Variants in LPP observed in about 807,000 individuals in gnomAD.
LPP encodes the protein LIM domain containing preferred translocation partner in lipoma.
In LPP, 38 loss-of-function variants were observed where a neutral mutation model predicts 60.4. The observed-to-expected ratio is 0.63, with a 90% CI of 0.49 to 0.83. The LOEUF is 0.83. Among genes scored for constraint, LPP ranks in the 40% least tolerant of loss-of-function variants. LPP has a pLI of 0.00. For synonymous variants in LPP, 328 were observed against 290.8 expected, an observed-to-expected ratio of 1.13 and a Z score of -1.30; for missense variants, 902 against 783.6, an observed-to-expected ratio of 1.15 and a Z score of -1.80.
At chr3:188,447,127 A>C (rs1202966042) in intron 4 of LPP, among the ~76,000 whole-genome samples, 1 of 152,178 alleles carries the variant, frequency 6.6e-6, no homozygotes, top group Non-Finnish European at 1.5e-5. Flanking sequence ...TCATCTATGC[A>C]ATCAATTCTG....
intron 7 of LPP, among the ~76,000 whole-genome samples, chr3:188,675,697 A>C (rs1857908232): frequency 6.6e-6 from 1 of 152,256 alleles, no homozygotes; most frequent in African/African-American, 2.4e-5. Context: ...ATGAATAAAA[A>C]GTTCTATTTC....
At chr3:188,832,710 A>G (rs974334439) in intron 9 of LPP, among the ~76,000 whole-genome samples, 8 of 152,132 alleles carry the variant, frequency 5.3e-5, no homozygotes, top group Non-Finnish European at 1.2e-4. Context: ...CTGCTTCACC[A>G]TCTTCAGTGG....
chr3:188,888,190 T>C lies in LPP; in HGVS notation c.*13711T>C. The C allele has an allele frequency of 4.6e-6, 1 of 218,696 alleles. No homozygotes were observed. The allele number at this position is 218,696 out of a possible 1,614,324, so 13.5% of individuals were successfully genotyped here. Reference sequence around the variant, plus strand: ...ACCTTTATCATTACTCTAACAGATTTAGGGCTTCTCTTTCTCTACAGCTAA... The same window carrying C: ...ACCTTTATCATTACTCTAACAGATTCAGGGCTTCTCTTTCTCTACAGCTAA... On this transcript the variant is annotated 3_prime_UTR_variant, in exon 12 of 12. Coordinates refer to ENST00000617246, the MANE Select transcript of LPP (RefSeq NM_001375462.1).
chr3:188,524,690 A>G lies in LPP; in HGVS notation c.332A>G (p.Glu111Gly). ...VQGNPGGKTL[E>G]ERRSSLDAEI... ...GGGAATCCCGGAGGCAAGACACTTG[A>G]GGAGAGGCGCTCCAGCCTGGACGCT... The change falls in exon 6 of 12, where the codon GAG (glutamate) becomes GGG (glycine). Residue 111 changes from glutamate to glycine, a missense_variant. By Grantham distance (98) the Glu-to-Gly change is moderately conservative. Coordinates refer to ENST00000617246, the MANE Select transcript of LPP (RefSeq NM_001375462.1). The G allele has an allele frequency of 6.2e-7, 1 of 1,614,012 alleles. No individual in the cohort carries two copies. The highest frequency in any genetic ancestry group is 8.5e-7 in the Non-Finnish European group (1 of 1,179,944).
At chr3:188,475,101 A>C (rs1042576744) in intron 4 of LPP, among the ~76,000 whole-genome samples, 1 of 152,214 alleles carries the variant, frequency 6.6e-6, no homozygotes, top group Non-Finnish European at 1.5e-5. Flanking sequence ...TATCTCATGT[A>C]ATACACTGAG....
intron 1 of LPP, among the ~76,000 whole-genome samples, chr3:188,159,659 A>C (rs1282021041): frequency 1.3e-5 from 2 of 152,176 alleles, no homozygotes; most frequent in Non-Finnish European, 2.9e-5. Flanking sequence ...GATAGCAATC[A>C]TGGGGGAGCG....
At chr3:188,602,166 T>TATATATTATATATATATA (rs1841417402) in intron 6 of LPP, among the ~76,000 whole-genome samples, 1 of 126,452 alleles carries the variant, frequency 7.9e-6, no homozygotes, top group Non-Finnish European at 1.8e-5. Flanking sequence ...ATATATATAA[T>TATATATTATATATATATA]ATATATATAT....
intron 9 of LPP, among the ~76,000 whole-genome samples, chr3:188,840,089 A>G (rs1455428364): frequency 6.6e-6 from 1 of 152,198 alleles, no homozygotes; most frequent in Non-Finnish European, 1.5e-5. Flanking sequence ...GTGTATCACT[A>G]GAAGGAGATA....
At chr3:188,296,605 A>G (rs553830482) in intron 2 of LPP, among the ~76,000 whole-genome samples, 1 of 152,288 alleles carries the variant, frequency 6.6e-6, no homozygotes, top group South Asian at 2.1e-4. Context: ...TCCTACCTAT[A>G]TTGAAACCAG....
At chr3:188,824,408 G>A (rs752155658) in intron 9 of LPP, among the ~76,000 whole-genome samples, 2 of 152,176 alleles carry the variant, frequency 1.3e-5, no homozygotes, top group Non-Finnish European at 2.9e-5. Flanking sequence ...AGTCATACGA[G>A]CCACATTTCA....
intron 3 of LPP, among the ~76,000 whole-genome samples, chr3:188,386,262 G>GCACACACA (rs1491209525): frequency 2.3e-3 from 159 of 69,534 alleles, no homozygotes; most frequent in Middle Eastern, 0.014. Context: ...CATAGCATGC[G>GCACACACA]CGCACACACA....
At position 188,609,824 on chromosome 3, in the gene LPP, G is replaced by A. The variant is rs761932747; in HGVS notation, c.1093G>A (p.Ala365Thr). Residue 365 changes from alanine to threonine, a missense_variant, in exon 7 of 12, where the codon GCG (alanine) becomes ACG (threonine). Ala to Thr is a moderately conservative substitution (Grantham distance 58). Coordinates refer to ENST00000617246, the MANE Select transcript of LPP (RefSeq NM_001375462.1). The surrounding 1 kb of genome is among the most constrained non-coding windows in gnomAD (Gnocchi z 6.9). ...CACAGATCCTGTTTCAGCCCCCTGT[G>A]CGCCACCATTGCAGCCAAAGGTAAG... ...YITDPVSAPC[A>T]PPLQPKGGHS... 12 of 1,611,862 alleles carry A rather than the reference G, an allele frequency of 7.4e-6. No homozygotes were observed. The highest frequency in any genetic ancestry group is 4.0e-5 in the African/African-American group (3 of 74,830).
intron 2 of LPP, among the ~76,000 whole-genome samples, chr3:188,294,298 A>G (rs1747107809): frequency 6.6e-6 from 1 of 152,256 alleles, no homozygotes; most frequent in South Asian, 2.1e-4. Flanking sequence ...GTGAAATACT[A>G]AAAACAGAAC....
At chr3:188,548,756 A>T (rs1478766056) in intron 6 of LPP, among the ~76,000 whole-genome samples, 1 of 152,200 alleles carries the variant, frequency 6.6e-6, no homozygotes, top group Non-Finnish European at 1.5e-5. Flanking sequence ...TATAAAAAGT[A>T]GGAAGAGAGG....
intron 1 of LPP, among the ~76,000 whole-genome samples, chr3:188,196,155 G>T (rs1405169685): frequency 6.6e-6 from 1 of 152,154 alleles, no homozygotes; most frequent in Non-Finnish European, 1.5e-5. Flanking sequence ...TCTCCTTGGG[G>T]TTTCTTTGCA....
At chr3:188,221,562 C>G (rs1715789743) in intron 1 of LPP, among the ~76,000 whole-genome samples, 3 of 152,214 alleles carry the variant, frequency 2.0e-5, no homozygotes, top group African/African-American at 7.2e-5. Context: ...ATAGCCCATA[C>G]TGGGGTTCCC....
chr3:188,298,672 G>A lies in LPP; in HGVS notation c.-66-42991G>A, dbSNP rs534655136. 2.2e-4 allele frequency among the ~76,000 whole-genome samples: 34 copies of A among 152,234 alleles called. No homozygotes were observed. In the East Asian group the frequency reaches 6.6e-3, roughly 29 times the overall value. ...AAAGACATTTAATCCATCGGTATGAGGATGAAAAAGACACACTCAGGGCAT... is the reference window on the plus strand; with the variant it reads ...AAAGACATTTAATCCATCGGTATGAAGATGAAAAAGACACACTCAGGGCAT... On this transcript the variant is annotated intron_variant, in intron 2 of 11. Transcript: ENST00000617246.
chr3:188,778,869 A>G (rs1184889138), intron 9 of LPP, among the ~76,000 whole-genome samples: 1 of 152,186 alleles, frequency 6.6e-6, no homozygotes, highest in Non-Finnish European at 1.5e-5. Context: ...CAACAGCTCT[A>G]GTTTATCCAC....
At chr3:188,263,188 T>A (rs143147524) in intron 2 of LPP, among the ~76,000 whole-genome samples, 1 of 152,206 alleles carries the variant, frequency 6.6e-6, no homozygotes, top group East Asian at 1.9e-4. Context: ...AGAGTCTGAG[T>A]GTACACAGAA....
Sources: gnomAD v4.1 joint callset for allele counts (sites outside exome capture counted in the v4.1 genomes callset) on GRCh38, gnomAD v4.1.1 for gene constraint, Gnocchi (gnomAD v3.1) non-coding constraint, MANE v1.5 for transcripts, NCBI Gene and HGNC (gene_info 2026-07-23, HGNC 2026-07-21) for gene names.